FOXN3: variants seen among roughly 807,000 people sequenced by gnomAD.
The protein encoded by FOXN3 is forkhead box N3.
A neutral mutation model predicts 38.4 loss-of-function variants in FOXN3; 7 were observed. The observed-to-expected ratio is 0.18, with a 90% CI of 0.10 to 0.34. The LOEUF (loss-of-function observed/expected upper bound fraction) is 0.34. Among genes scored for constraint, FOXN3 ranks in the 10% least tolerant of loss-of-function variants. The pLI is 1.00. For missense variants in FOXN3, 456 were observed against 613.4 expected (o/e 0.74, Z 2.71); for synonymous variants, 230 against 242.2 (o/e 0.95, Z 0.47).
chr14:89,326,785 A>G (rs1888094602), intron 3 of FOXN3, among the ~76,000 whole-genome samples: 1 of 152,220 alleles, frequency 6.6e-6, no homozygotes, highest in Non-Finnish European at 1.5e-5. Context: ...CCACTATTCA[A>G]TGCAAACACA....
At chr14:89,256,560 G>A (rs777705930) in intron 4 of FOXN3, among the ~76,000 whole-genome samples, 15 of 152,192 alleles carry the variant, frequency 9.9e-5, no homozygotes, top group Non-Finnish European at 1.6e-4. Context: ...TGTCCCGGCC[G>A]TAAGAAGCTG....
intron 1 of FOXN3, among the ~76,000 whole-genome samples, chr14:89,556,678 G>A (rs1170477389): frequency 1.3e-5 from 2 of 152,182 alleles, no homozygotes; most frequent in Admixed American, 1.3e-4. Context: ...GGAAGAGAAA[G>A]GTAACAAGTC....
intron 1 of FOXN3, among the ~76,000 whole-genome samples, chr14:89,595,847 T>C (rs243174): frequency 0.21 from 31,715 of 152,142 alleles, 4,044 homozygotes; most frequent in East Asian, 0.44. Context: ...ATTTTTTGTA[T>C]ATATGCTTCT....
At position 89,162,985 on chromosome 14, in the gene FOXN3, A is replaced by C; in HGVS notation, c.852-16T>G. 6.5e-7 allele frequency: 1 copy of C among 1,532,596 alleles called. No homozygotes were observed. Among genetic ancestry groups the C allele is most frequent in the Middle Eastern group, 1.8e-4 (1 of 5,668 alleles). 94.9% of individuals were successfully genotyped at this position (1,532,596 alleles called of 1,614,324 possible). ...GATGCCATTCCTGCAGAGCGAGGAC[A>C]GTGGGGAGGGACGGGAGACAAAGAA... On this transcript the variant is annotated splice_polypyrimidine_tract_variant and intron_variant, in intron 5 of 5. Transcript: ENST00000557258. This position sits in a 1 kb window ranked among gnomAD's most constrained non-coding sequence, Gnocchi z 7.2.
At chr14:89,497,555 C>T (rs1893711711) in intron 1 of FOXN3, among the ~76,000 whole-genome samples, 1 of 151,784 alleles carries the variant, frequency 6.6e-6, no homozygotes, top group Non-Finnish European at 1.5e-5. Flanking sequence ...TACAGGCATG[C>T]ACCACCATGC....
intron 3 of FOXN3, among the ~76,000 whole-genome samples, chr14:89,341,866 TC>T (rs1426635966): frequency 1.3e-5 from 2 of 152,020 alleles, no homozygotes; most frequent in Non-Finnish European, 2.9e-5. Context: ...TGCAGACACT[TC>T]CCCCTCTAAC....
intron 3 of FOXN3, among the ~76,000 whole-genome samples, chr14:89,306,925 CACTT>C (rs148088586): frequency 0.031 from 4,662 of 152,322 alleles, 125 homozygotes; most frequent in Non-Finnish European, 0.05. Context: ...ACAACACACT[CACTT>C]GTTTATGTGT....
At chr14:89,181,933 C>A (rs548913609) in intron 4 of FOXN3, among the ~76,000 whole-genome samples, 1 of 152,150 alleles carries the variant, frequency 6.6e-6, no homozygotes, top group African/African-American at 2.4e-5. Flanking sequence ...CTCTGTTTCC[C>A]TCTCCGAACA....
chr14:89,502,870 G>A (rs1893831076), intron 1 of FOXN3, among the ~76,000 whole-genome samples: 1 of 152,126 alleles, frequency 6.6e-6, no homozygotes, highest in Non-Finnish European at 1.5e-5. Context: ...TCCACTCTAT[G>A]TTGGTGTCTC....
chr14:89,359,041 T>C (rs938855983), intron 2 of FOXN3, among the ~76,000 whole-genome samples: 1 of 152,146 alleles, frequency 6.6e-6, no homozygotes, highest in Non-Finnish European at 1.5e-5. Context: ...GGTGCAGTGG[T>C]TCACACCTAT....
upstream of FOXN3, chr14:89,419,424 T>G: frequency 3.1e-6 from 1 of 325,514 alleles, no homozygotes; most frequent in Non-Finnish European, 6.1e-6. Context: ...CCATGAACTT[T>G]CAGAAAGGAC....
intron 2 of FOXN3, among the ~76,000 whole-genome samples, chr14:89,384,773 C>T (rs561095886): frequency 3.3e-5 from 5 of 152,176 alleles, no homozygotes; most frequent in East Asian, 3.9e-4. Context: ...TTCTTGGAGG[C>T]GATGATGGCT....
chr14:89,339,657 T>C (rs558787120), intron 3 of FOXN3, among the ~76,000 whole-genome samples: 1 of 152,240 alleles, frequency 6.6e-6, no homozygotes, highest in Non-Finnish European at 1.5e-5. Flanking sequence ...GAAGCCAGAG[T>C]CACGCTTTGA....
chr14:89,480,716 G>C (rs115612534), intron 1 of FOXN3, among the ~76,000 whole-genome samples: 2,292 of 152,120 alleles, frequency 0.015, 50 homozygotes, highest in African/African-American at 0.052. Flanking sequence ...AACATTATTT[G>C]GTTCCCAGAA....
At chr14:89,417,638 T>C (rs1382283969), upstream of FOXN3, 1 of 454,442 alleles carries the variant, frequency 2.2e-6, no homozygotes, top group Admixed American at 2.4e-5. Flanking sequence ...CCCATCTGCA[T>C]GCCTTACATG....
At chr14:89,269,104 C>T (rs1032308171) in intron 4 of FOXN3, among the ~76,000 whole-genome samples, 3 of 152,180 alleles carry the variant, frequency 2.0e-5, no homozygotes, top group Admixed American at 6.5e-5. Flanking sequence ...ACAACTAGGA[C>T]GTTGGGAGCA....
chr14:89,617,066 G>GTA (rs1434650135), intron 1 of FOXN3, among the ~76,000 whole-genome samples: 1 of 152,116 alleles, frequency 6.6e-6, no homozygotes, highest in African/African-American at 2.4e-5. Flanking sequence ...GGTAGAGTAT[G>GTA]TATGTGTAGT....
At chr14:89,200,061 G>A (rs981692251) in intron 4 of FOXN3, among the ~76,000 whole-genome samples, 3 of 152,146 alleles carry the variant, frequency 2.0e-5, no homozygotes, top group Admixed American at 1.3e-4. Context: ...AATTTTTAGG[G>A]CCAAAGGGAT....
At chr14:89,593,116 G>A (rs1314491654) in intron 1 of FOXN3, among the ~76,000 whole-genome samples, 1 of 134,132 alleles carries the variant, frequency 7.5e-6, no homozygotes. Context: ...AGGAGAGAGA[G>A]AGAAAGGAAG....
Sources: allele counts gnomAD v4.1 joint callset (sites outside exome capture counted in the v4.1 genomes callset), GRCh38; gene constraint gnomAD v4.1.1; non-coding constraint Gnocchi (gnomAD v3.1); transcripts MANE v1.5; gene names NCBI Gene and HGNC (gene_info 2026-07-23, HGNC 2026-07-21).